PRDM5: variants seen among roughly 807,000 people sequenced by gnomAD.
PRDM5 encodes the protein PR/SET domain 5.
In PRDM5, 56 loss-of-function variants were observed where a neutral mutation model predicts 81.2. The ratio of observed to expected loss-of-function variants is 0.69; its 90% CI spans 0.56 to 0.86. PRDM5 has a LOEUF of 0.86. Among genes scored for constraint, PRDM5 ranks in the 40% least tolerant of loss-of-function variants. The probability of loss-of-function intolerance (pLI) is 0.00; values close to 1 mark genes in which losing one functional copy is unlikely to be tolerated. For synonymous variants in PRDM5, 267 were observed against 256.4 expected (o/e 1.04, Z -0.39); for missense variants, 697 against 770.1 (o/e 0.91, Z 1.12).
chr4:120,823,983 C>G (rs1289890542), intron 3 of PRDM5, among the ~76,000 whole-genome samples: 1 of 152,172 alleles, frequency 6.6e-6, no homozygotes, highest in Non-Finnish European at 1.5e-5. Context: ...CCTCCTTATC[C>G]CCTCTTTGAC....
chr4:120,847,949 A>T (rs914131173), intron 3 of PRDM5, among the ~76,000 whole-genome samples: 5 of 152,136 alleles, frequency 3.3e-5, no homozygotes, highest in Admixed American at 3.3e-4. Flanking sequence ...CACCTAATTA[A>T]AACTTTCCTC....
At chr4:120,744,356 T>C (rs1742630502) in intron 14 of PRDM5, among the ~76,000 whole-genome samples, 2 of 151,736 alleles carry the variant, frequency 1.3e-5, no homozygotes, top group Non-Finnish European at 2.9e-5. Context: ...CACCCTAACA[T>C]CACAATTAAA....
chr4:120,688,510 G>T (rs919865204), downstream of PRDM5, among the ~76,000 whole-genome samples: 1 of 152,024 alleles, frequency 6.6e-6, no homozygotes, highest in African/African-American at 2.4e-5. Flanking sequence ...TTTTGCTTTT[G>T]TTGTCTTTGC....
At chr4:120,882,521 G>A (rs1466510382) in intron 2 of PRDM5, among the ~76,000 whole-genome samples, 1 of 152,046 alleles carries the variant, frequency 6.6e-6, no homozygotes, top group African/African-American at 2.4e-5. Flanking sequence ...TTCTGCATCA[G>A]TAGTATATTT....
At chr4:120,811,608 T>C (rs931114465) in intron 7 of PRDM5, among the ~76,000 whole-genome samples, 159 bp from the exon 8 acceptor site, 3 of 152,094 alleles carry the variant, frequency 2.0e-5, no homozygotes, top group Non-Finnish European at 2.9e-5. Flanking sequence ...GTAAGTTATA[T>C]TTTAAATCTT....
chr4:120,848,454 C>CTCA (rs1424064513), intron 3 of PRDM5, among the ~76,000 whole-genome samples: 2 of 152,118 alleles, frequency 1.3e-5, no homozygotes, highest in Non-Finnish European at 1.5e-5. Flanking sequence ...GCTGTGTGGT[C>CTCA]TCAAGCAAGT....
intron 2 of PRDM5, among the ~76,000 whole-genome samples, chr4:120,858,572 T>TGCGC (rs1760160678): frequency 1.3e-5 from 2 of 149,574 alleles, no homozygotes; most frequent in African/African-American, 2.4e-5. Flanking sequence ...TATGAACGCG[T>TGCGC]GCGTGCGCGC....
At chr4:120,795,577 A>G (rs1487206192) in intron 10 of PRDM5, among the ~76,000 whole-genome samples, 1 of 147,322 alleles carries the variant, frequency 6.8e-6, no homozygotes, top group Non-Finnish European at 1.5e-5. Flanking sequence ...ATAAATGAGT[A>G]ACTAAATTTT....
intron 2 of PRDM5, among the ~76,000 whole-genome samples, chr4:120,888,406 G>A (rs1296086106): frequency 6.6e-6 from 1 of 152,086 alleles, no homozygotes; most frequent in Admixed American, 6.5e-5. Context: ...TTCACTCAAG[G>A]CTTTGTTACT....
chr4:120,879,604 T>C (rs1762642729), intron 2 of PRDM5, among the ~76,000 whole-genome samples: 3 of 152,206 alleles, frequency 2.0e-5, no homozygotes, highest in Admixed American at 2.0e-4. Context: ...TTGTCTATCT[T>C]ACTTTATTGT....
intron 1 of PRDM5, among the ~76,000 whole-genome samples, chr4:120,921,097 T>C (rs1286719751): frequency 6.6e-6 from 1 of 152,200 alleles, no homozygotes; most frequent in Non-Finnish European, 1.5e-5. Context: ...TAACATTAAA[T>C]AAAATGATTT....
chr4:120,767,805 G>A (rs1174290274), intron 13 of PRDM5, among the ~76,000 whole-genome samples: 1 of 152,176 alleles, frequency 6.6e-6, no homozygotes, highest in East Asian at 1.9e-4. Flanking sequence ...GACCCGGTGG[G>A]AAATAATTGA....
chr4:120,811,301 C>G (rs1269745936), intron 8 of PRDM5, 69 bp downstream of exon 8: 5 of 1,026,906 alleles, frequency 4.9e-6, no homozygotes, highest in Non-Finnish European at 7.0e-6. Flanking sequence ...AACTTTTATA[C>G]TTACTATAAA....
intron 2 of PRDM5, among the ~76,000 whole-genome samples, chr4:120,888,758 T>C (rs1404439247): frequency 6.6e-6 from 1 of 152,238 alleles, no homozygotes. Flanking sequence ...TTGCAAACAT[T>C]TGACATTGTC....
At chr4:120,706,158 C>T (rs553870937) in intron 15 of PRDM5, among the ~76,000 whole-genome samples, 5 of 150,238 alleles carry the variant, frequency 3.3e-5, no homozygotes, top group African/African-American at 1.2e-4. Context: ...GTGGCACGAT[C>T]TTGGCTCACT....
chr4:120,861,981 T>A (rs17051272), intron 2 of PRDM5, among the ~76,000 whole-genome samples: 32,088 of 152,026 alleles, frequency 0.21, 3,703 homozygotes, highest in Non-Finnish European at 0.25. Flanking sequence ...CCTAACTGCA[T>A]AGTTTTCTAA....
rs1734256785 is a variant in PRDM5 at position 120,693,854 on chromosome 4, A to G, written c.*1257T>C. On this transcript the variant is annotated 3_prime_UTR_variant, in exon 16 of 16. Coordinates refer to ENST00000264808, the MANE Select transcript of PRDM5 (RefSeq NM_018699.4). ...TATTCCTCCAGGTTATTTTGACATC[A>G]CTATTACATTGTATCATATCATCTC... 6.6e-6 allele frequency: 1 copy of G among 152,112 alleles called. No individual in the cohort carries two copies. The highest frequency in any genetic ancestry group is 2.4e-5 in the African/African-American group (1 of 41,454). The allele number at this position is 152,112 out of a possible 1,614,324, so 9.4% of individuals were successfully genotyped here.
intron 1 of PRDM5, among the ~76,000 whole-genome samples, chr4:120,915,768 T>G (rs2148708680): frequency 6.6e-6 from 1 of 152,016 alleles, no homozygotes; most frequent in East Asian, 1.9e-4. Flanking sequence ...GACCAACCAC[T>G]GACACAAGTT....
chr4:120,787,777 G>A (rs908851839), intron 10 of PRDM5, among the ~76,000 whole-genome samples: 5 of 152,048 alleles, frequency 3.3e-5, no homozygotes, highest in Admixed American at 3.3e-4. Flanking sequence ...AAACATCAGG[G>A]GTTCAATTTG....
Sources: gnomAD v4.1 joint callset for allele counts (sites outside exome capture counted in the v4.1 genomes callset) on GRCh38, gnomAD v4.1.1 for gene constraint, MANE v1.5 for transcripts, NCBI Gene and HGNC (gene_info 2026-07-23, HGNC 2026-07-21) for gene names.